Variants in SLC39A10 observed in about 807,000 individuals in gnomAD.
SLC39A10 encodes the protein zinc transporter ZIP10.
SLC39A10 carries 13 observed loss-of-function variants against 65.1 expected under a neutral mutation model. The ratio of observed to expected loss-of-function variants is 0.20; its 90% CI spans 0.13 to 0.32. The LOEUF (loss-of-function observed/expected upper bound fraction) is 0.32, where lower values mean the gene tolerates loss of function less well. Among genes scored for constraint, SLC39A10 ranks in the 10% least tolerant of loss-of-function variants. SLC39A10 has a pLI of 1.00. For missense variants in SLC39A10, 831 were observed against 1,018.4 expected, an observed-to-expected ratio of 0.82 and a Z score of 2.50; for synonymous variants, 321 against 342.2, an observed-to-expected ratio of 0.94 and a Z score of 0.68.
At chr2:195,712,130 A>G (rs977300185) in intron 5 of SLC39A10, among the ~76,000 whole-genome samples, 2 of 152,224 alleles carry the variant, frequency 1.3e-5, no homozygotes, top group Admixed American at 1.3e-4. Flanking sequence ...AAAGTCCAAG[A>G]ATACTTCACT....
At chr2:195,618,682 T>A (rs1408632848) in intron 2 of SLC39A10, among the ~76,000 whole-genome samples, 1 of 152,202 alleles carries the variant, frequency 6.6e-6, no homozygotes, top group African/African-American at 2.4e-5. Context: ...GAAGGAATGA[T>A]AGCAAGAGAT....
At chr2:195,660,480 C>T (rs1204905521) in intron 1 of SLC39A10, among the ~76,000 whole-genome samples, 2 of 152,152 alleles carry the variant, frequency 1.3e-5, no homozygotes, top group African/African-American at 4.8e-5. Flanking sequence ...TTGATGCTGC[C>T]CCCTAGCGTT....
intron 2 of SLC39A10, among the ~76,000 whole-genome samples, chr2:195,629,167 T>C (rs1400735508): frequency 6.6e-6 from 1 of 151,974 alleles, no homozygotes; most frequent in South Asian, 2.1e-4. Context: ...GGTGAGCGGA[T>C]CACGAGGTCA....
At chr2:195,663,498 T>G (rs551169950) in intron 1 of SLC39A10, among the ~76,000 whole-genome samples, 1 of 152,160 alleles carries the variant, frequency 6.6e-6, no homozygotes, top group African/African-American at 2.4e-5. Context: ...AGTAAAACAA[T>G]GTAAGAAAAC....
chr2:195,638,633 C>T (rs1224794631), intron 2 of SLC39A10, among the ~76,000 whole-genome samples: 1 of 151,884 alleles, frequency 6.6e-6, no homozygotes, highest in Non-Finnish European at 1.5e-5. Context: ...CATGAGCCAC[C>T]GCACCCAGCC....
At chr2:195,629,819 C>G (rs1172406303) in intron 2 of SLC39A10, among the ~76,000 whole-genome samples, 1 of 152,184 alleles carries the variant, frequency 6.6e-6, no homozygotes, top group Non-Finnish European at 1.5e-5. Flanking sequence ...TAGCCTTGAA[C>G]TCCTGGGATC....
chr2:195,646,677 G>C (rs1328607732), intron 2 of SLC39A10, among the ~76,000 whole-genome samples: 3 of 129,428 alleles, frequency 2.3e-5, no homozygotes, highest in Non-Finnish European at 3.1e-5. Flanking sequence ...GGGCCTTTTA[G>C]GAACACTGCT....
At chr2:195,665,522 C>G (rs1220097619) in intron 1 of SLC39A10, among the ~76,000 whole-genome samples, 1 of 152,250 alleles carries the variant, frequency 6.6e-6, no homozygotes, top group East Asian at 1.9e-4. Context: ...AATCTTAAAG[C>G]TAGAATTCAT....
At chr2:195,646,209 G>A (rs1688910376) in intron 2 of SLC39A10, among the ~76,000 whole-genome samples, 1 of 152,280 alleles carries the variant, frequency 6.6e-6, no homozygotes, top group African/African-American at 2.4e-5. Context: ...GCCTCCCAAA[G>A]TGTTGGGATT....
At chr2:195,646,162 T>C (rs1688908938) in intron 2 of SLC39A10, among the ~76,000 whole-genome samples, 1 of 152,160 alleles carries the variant, frequency 6.6e-6, no homozygotes, top group African/African-American at 2.4e-5. Context: ...CCCAGGCTGG[T>C]CTTGAACTCC....
At chr2:195,675,388 T>A (rs1690041139) in intron 1 of SLC39A10, among the ~76,000 whole-genome samples, 2 of 152,322 alleles carry the variant, frequency 1.3e-5, no homozygotes, top group South Asian at 4.1e-4. Context: ...GGTTGAGTGT[T>A]CTGTTATTGC....
intron 3 of SLC39A10, among the ~76,000 whole-genome samples, chr2:195,697,671 A>T (rs1691018339): frequency 6.6e-6 from 1 of 151,456 alleles, no homozygotes; most frequent in Admixed American, 6.6e-5. Context: ...TTGCAAAGTT[A>T]TGCATATGAC....
chr2:195,668,182 T>C (rs1196432729), intron 1 of SLC39A10, among the ~76,000 whole-genome samples: 1 of 152,220 alleles, frequency 6.6e-6, no homozygotes, highest in East Asian at 1.9e-4. Flanking sequence ...AAATTGATAT[T>C]TGACTACCTA....
chr2:195,717,107 T>C, intron 7 of SLC39A10, 102 bp downstream of exon 7: 4 of 1,447,106 alleles, frequency 2.8e-6, no homozygotes, highest in Non-Finnish European at 3.7e-6. Flanking sequence ...TGTATCACTC[T>C]GGTCAGTTGA....
intron 3 of SLC39A10, among the ~76,000 whole-genome samples, chr2:195,694,450 G>A (rs1476220206): frequency 6.8e-6 from 1 of 147,454 alleles, no homozygotes; most frequent in Admixed American, 6.7e-5. Flanking sequence ...CCCACTGGGT[G>A]CTCCCTTGAT....
intron 4 of SLC39A10, 82 bp downstream of exon 4, chr2:195,706,867 A>AC: frequency 1.1e-6 from 1 of 936,554 alleles, no homozygotes; most frequent in Non-Finnish European, 1.4e-6. Context: ...AAGCTATAGC[A>AC]CAGTAATCTA....
chr2:195,708,587 T>G (rs1378413179), intron 4 of SLC39A10, 69 bp from the exon 5 acceptor site: 1 of 1,205,878 alleles, frequency 8.3e-7, no homozygotes, highest in South Asian at 1.9e-5. Context: ...ATTATAATTA[T>G]TATAATTTCA....
intron 2 of SLC39A10, among the ~76,000 whole-genome samples, chr2:195,627,296 A>G (rs917837399): frequency 1.3e-5 from 2 of 152,142 alleles, no homozygotes; most frequent in Admixed American, 6.5e-5. Context: ...AATGACTCAC[A>G]TCTACCTCAG....
In SLC39A10 at chr2:195,649,477, T is replaced by G. The variant is rs1370890285; in HGVS notation, c.-11-30555T>G. Among the ~76,000 whole-genome samples, 4 of 152,364 alleles carry G rather than the reference T, an allele frequency of 2.6e-5. No homozygotes were observed. The East Asian group carries it at 7.7e-4, about 29-fold the overall frequency. ...TGATTATTTTCATAAATGTCAGGTG[T>G]GAAATGGGTCACCTTATTAATTAAA... On this transcript the variant is annotated intron_variant, in intron 2 of 2. Transcript: ENST00000458054.
Sources: gnomAD v4.1 joint callset for allele counts (sites outside exome capture counted in the v4.1 genomes callset) on GRCh38, gnomAD v4.1.1 for gene constraint, MANE v1.5 for transcripts, NCBI Gene and HGNC (gene_info 2026-07-23, HGNC 2026-07-21) for gene names.